ABCA13: variants seen among roughly 807,000 people sequenced by gnomAD.
ABCA13 encodes the protein ATP-binding cassette sub-family A member 13.
A neutral mutation model predicts 478.7 loss-of-function variants in ABCA13; 476 were observed. That is an observed-to-expected ratio of 0.99 (90% CI 0.92 to 1.07). The LOEUF is 1.07. Ranked by LOEUF, ABCA13 falls within the 50% of genes least tolerant of loss-of-function variation. The pLI is 0.00. For missense variants in ABCA13, 6,060 were observed against 5,910.6 expected, an observed-to-expected ratio of 1.03 and a Z score of -0.83; for synonymous variants, 2,252 against 2,158.9, an observed-to-expected ratio of 1.04 and a Z score of -1.20.
intron 58 of ABCA13, among the ~76,000 whole-genome samples, chr7:48,606,491 T>C (rs1415863790): frequency 6.6e-6 from 1 of 152,062 alleles, no homozygotes; most frequent in Non-Finnish European, 1.5e-5. Context: ...GCAGGTCTGC[T>C]GGAGTTTGCT....
At chr7:48,193,270 A>G (rs888007720) in intron 2 of ABCA13, among the ~76,000 whole-genome samples, 2 of 152,216 alleles carry the variant, frequency 1.3e-5, no homozygotes, top group African/African-American at 4.8e-5. Flanking sequence ...TCAATCTAGC[A>G]CATAGATTTA....
chr7:48,629,205 G>A (rs1225289422), intron 59 of ABCA13, among the ~76,000 whole-genome samples: 1 of 152,164 alleles, frequency 6.6e-6, no homozygotes, highest in African/African-American at 2.4e-5. Flanking sequence ...CAGACTTAGT[G>A]CTGGTGTACA....
chr7:48,290,881 C>T (rs1417975073), intron 20 of ABCA13, among the ~76,000 whole-genome samples: 9 of 129,490 alleles, frequency 7.0e-5, no homozygotes, highest in Non-Finnish European at 1.1e-4. Flanking sequence ...AGGAGAATAC[C>T]GAGCCTGAAA....
intron 1 of ABCA13, among the ~76,000 whole-genome samples, chr7:48,182,524 A>G (rs1795826835): frequency 6.6e-6 from 1 of 152,192 alleles, no homozygotes; most frequent in Non-Finnish European, 1.5e-5. Context: ...TGGAGAAAGT[A>G]TTCCTCATTC....
At chr7:48,263,721 T>C (rs1427236286) in intron 15 of ABCA13, among the ~76,000 whole-genome samples, 2 of 151,750 alleles carry the variant, frequency 1.3e-5, no homozygotes, top group East Asian at 3.8e-4. Flanking sequence ...ATTTACCTAT[T>C]TTGTTTAAAA....
At chr7:48,465,588 T>A (rs112093431) in intron 43 of ABCA13, among the ~76,000 whole-genome samples, 84 of 151,788 alleles carry the variant, frequency 5.5e-4, no homozygotes, top group African/African-American at 2.0e-3. Flanking sequence ...ATTATACATA[T>A]TTATGGGGTA....
intron 43 of ABCA13, among the ~76,000 whole-genome samples, chr7:48,458,560 T>C (rs913236747): frequency 6.6e-6 from 1 of 152,190 alleles, no homozygotes; most frequent in African/African-American, 2.4e-5. Flanking sequence ...TTCTGACAAT[T>C]CTCAATAGAG....
chr7:48,643,800 A>ATAG (rs1322948467), intron 60 of ABCA13, among the ~76,000 whole-genome samples: 1 of 152,176 alleles, frequency 6.6e-6, no homozygotes, highest in Non-Finnish European at 1.5e-5. Flanking sequence ...TTGAGATCAC[A>ATAG]ATCCTCTATA....
Position 48,273,674 on chromosome 7 carries a change from T to C in ABCA13, c.4008T>C (p.Asn1336=). 1 of 1,607,986 alleles carries C rather than the reference T, an allele frequency of 6.2e-7. No homozygotes were observed. Among genetic ancestry groups the C allele is most frequent in the Non-Finnish European group, 8.5e-7 (1 of 1,176,744 alleles). The change falls in exon 17 of 62, where the codon AAT becomes AAC. Residue 1336 remains asparagine, a synonymous_variant. Coordinates refer to ENST00000435803, the MANE Select transcript of ABCA13 (RefSeq NM_152701.5). Reference sequence around the variant, plus strand: ...GAGAAGCAATAGTATTTCTTAGAAATGTATCACATGATCGAGATTTGTTTT... The same window carrying C: ...GAGAAGCAATAGTATTTCTTAGAAACGTATCACATGATCGAGATTTGTTTT... ...ELREAIVFLR[N]VSHDRDLFSC... is the part of the protein sequence containing the mutation.
chr7:48,275,842 G>A lies in ABCA13; in HGVS notation c.6176G>A (p.Trp2059Ter), dbSNP rs1796229585. 1 of 1,613,230 alleles carries A rather than the reference G, an allele frequency of 6.2e-7. No homozygotes were observed. Reference protein sequence around the residue: ...SETPYNFEELWPKFQQIMKDL... With the variant: ...SETPYNFEEL ...ACACCTTACAACTTTGAAGAACTAT[G>A]GCCCAAGTTTCAACAAATCATGAAA... The change falls in exon 17 of 62, where the codon TGG becomes TAG. Residue 2059 changes from tryptophan to a stop codon, truncating the protein, a stop_gained. Transcript: ENST00000435803. LOFTEE classifies it high-confidence loss of function.
Position 48,462,474 on chromosome 7 carries a change from T to C in ABCA13, c.12816-4482T>C, listed in dbSNP as rs1409672451. On this transcript the variant is annotated intron_variant, in intron 43 of 61. Coordinates refer to ENST00000435803, the MANE Select transcript of ABCA13 (RefSeq NM_152701.5). ...CCCCCTACTGTTTCCTTATCAAAAC[T>C]GCAGATTTAAGTCTTTTTTTCAGTT... Among the ~76,000 whole-genome samples, 3 of 150,080 alleles carry C rather than the reference T, an allele frequency of 2.0e-5. No individual in the cohort carries two copies. In the Admixed American group the frequency reaches 2.0e-4, roughly 10 times the overall value.
intron 2 of ABCA13, 98 bp downstream of exon 2, chr7:48,193,150 G>T: frequency 2.5e-6 from 2 of 810,432 alleles, no homozygotes; most frequent in Non-Finnish European, 3.9e-6. Context: ...AATGCTGAGT[G>T]AAATGAATAG....
intron 26 of ABCA13, 87 bp downstream of exon 26, chr7:48,314,496 T>C (rs1802257329): frequency 1.6e-6 from 2 of 1,229,912 alleles, no homozygotes; most frequent in Non-Finnish European, 2.2e-6. Flanking sequence ...ATTCTGTCTG[T>C]GTATAAGGTT....
chr7:48,633,533 G>A (rs1018740790), intron 59 of ABCA13, among the ~76,000 whole-genome samples: 1 of 151,990 alleles, frequency 6.6e-6, no homozygotes, highest in East Asian at 1.9e-4. Context: ...CATAAAGCCA[G>A]TCTCAATAAA....
chr7:48,582,730 C>A (rs2131373932), intron 56 of ABCA13, among the ~76,000 whole-genome samples: 1 of 152,238 alleles, frequency 6.6e-6, no homozygotes, highest in South Asian at 2.1e-4. Flanking sequence ...TAAGTATGGT[C>A]AAATTGCTCA....
chr7:48,268,542 C>G (rs1053609674), intron 15 of ABCA13, among the ~76,000 whole-genome samples: 3 of 152,178 alleles, frequency 2.0e-5, no homozygotes, highest in African/African-American at 7.2e-5. Context: ...CATCTGAATA[C>G]TCAAGCGAAG....
At chr7:48,261,071 C>T (rs1485133007) in intron 15 of ABCA13, among the ~76,000 whole-genome samples, 1 of 151,858 alleles carries the variant, frequency 6.6e-6, no homozygotes, top group Non-Finnish European at 1.5e-5. Context: ...TAGTTTGCCT[C>T]ATGTACCATG....
intron 41 of ABCA13, among the ~76,000 whole-genome samples, chr7:48,416,274 C>T (rs1056222347): frequency 6.6e-6 from 1 of 152,170 alleles, no homozygotes; most frequent in African/African-American, 2.4e-5. Flanking sequence ...CAGAGGCCAC[C>T]AGTGCTCCTA....
intron 5 of ABCA13, among the ~76,000 whole-genome samples, chr7:48,223,714 T>C (rs1318283570): frequency 1.3e-5 from 2 of 151,988 alleles, no homozygotes; most frequent in Non-Finnish European, 2.9e-5. Flanking sequence ...CCTAGCACTT[T>C]GGGAGGCTGA....
Sources: gnomAD v4.1 joint callset for allele counts (sites outside exome capture counted in the v4.1 genomes callset) on GRCh38, gnomAD v4.1.1 for gene constraint, MANE v1.5 for transcripts, NCBI Gene and HGNC (gene_info 2026-07-23, HGNC 2026-07-21) for gene names.